The following SLC4A10 variants were observed in gnomAD, a reference collection of about 807,000 sequenced individuals.
The protein encoded by SLC4A10 is solute carrier family 4 member 10.
SLC4A10 carries 42 observed loss-of-function variants against 137.7 expected under a neutral mutation model. That is an observed-to-expected ratio of 0.30 (90% confidence interval 0.24 to 0.39). The LOEUF is 0.39. SLC4A10 is among the 10% of genes least tolerant of loss of function. SLC4A10 has a pLI of 1.00. For missense variants in SLC4A10, 925 were observed against 1,355.0 expected (o/e 0.68, Z 4.98); for synonymous variants, 474 against 464.1 (o/e 1.02, Z -0.27).
Position 161,624,525 on chromosome 2 carries a change from A to G in SLC4A10, c.7A>G (p.Ile3Val), listed in dbSNP as rs1051775487. The stretch of plus-strand genomic sequence containing the variant: ...TCCAGAGGCGTTACAAAACATGGAG[A>G]TTAAAGACCAGGGAGCCCAAATGGA... ME[I>V]KDQGAQMEPL... The change falls in exon 1 of 27, where the codon ATT becomes GTT. Residue 3 changes from isoleucine (I) to valine (V), a missense_variant. By Grantham distance (29) the Ile-to-Val change is conservative. Transcript: ENST00000446997. 6 of 1,553,728 alleles carry G rather than the reference A, an allele frequency of 3.9e-6. No individual in the cohort carries two copies. Among genetic ancestry groups the G allele is most frequent in the Admixed American group, 2.0e-5 (1 of 51,160 alleles).
chr2:161,765,787 T>C (rs188821039), intron 1 of SLC4A10, among the ~76,000 whole-genome samples: 1 of 151,960 alleles, frequency 6.6e-6, no homozygotes, highest in Non-Finnish European at 1.5e-5. Flanking sequence ...ATCTAGAGAG[T>C]AACTCAGTAC....
In SLC4A10 at chr2:161,839,797, T is replaced by G. The variant is rs770849707; in HGVS notation, c.286T>G (p.Ser96Ala). The G allele has an allele frequency of 1.9e-6, 3 of 1,613,688 alleles. No individual in the cohort carries two copies. Among genetic ancestry groups the G allele is most frequent in the Non-Finnish European group, 2.5e-6 (3 of 1,179,752 alleles). ...TGTCTCTGATTTTTTAGACACCCCATCACAGAGGGTACAGTTTATTCTTGG... is the reference window on the plus strand; with the variant it reads ...TGTCTCTGATTTTTTAGACACCCCAGCACAGAGGGTACAGTTTATTCTTGG... ...GRESPSFDTP[S>A]QRVQFILGTE... Residue 96 changes from serine (S) to alanine (A), a missense_variant, in exon 4 of 27, where the codon TCA becomes GCA. By Grantham distance (99) the Ser-to-Ala change is moderately conservative. Coordinates refer to ENST00000446997, the MANE Select transcript of SLC4A10 (RefSeq NM_001178015.2).
chr2:161,949,458 TTATAAA>T (rs143382610), intron 18 of SLC4A10, among the ~76,000 whole-genome samples, 197 bp downstream of exon 18: 1 of 151,868 alleles, frequency 6.6e-6, no homozygotes, highest in Non-Finnish European at 1.5e-5. Context: ...ATATAAATAA[TTATAAA>T]TATAAAACTT....
chr2:161,642,672 C>T (rs1184896750), intron 1 of SLC4A10, among the ~76,000 whole-genome samples: 7 of 151,762 alleles, frequency 4.6e-5, no homozygotes, highest in African/African-American at 1.5e-4. Context: ...GTGGCTTTCC[C>T]GTCTTTTAAG....
At chr2:161,740,782 T>C (rs1431768231) in intron 1 of SLC4A10, among the ~76,000 whole-genome samples, 2 of 152,242 alleles carry the variant, frequency 1.3e-5, no homozygotes, top group Non-Finnish European at 2.9e-5. Context: ...CTTGCTGTTT[T>C]ATGATACTAG....
intron 16 of SLC4A10, among the ~76,000 whole-genome samples, chr2:161,943,273 G>A (rs1012583407): frequency 2.6e-5 from 4 of 152,044 alleles, no homozygotes; most frequent in Admixed American, 1.3e-4. Context: ...CAGCTGTTCC[G>A]GATCTGCTGG....
chr2:161,688,453 A>G (rs1243825946), intron 1 of SLC4A10, among the ~76,000 whole-genome samples: 1 of 152,170 alleles, frequency 6.6e-6, no homozygotes, highest in Non-Finnish European at 1.5e-5. Context: ...TGGGTAGAGT[A>G]TGCGATGCAT....
chr2:161,949,045 T>G, intron 17 of SLC4A10, 103 bp from the exon 18 acceptor site: 1 of 665,386 alleles, frequency 1.5e-6, no homozygotes, highest in African/African-American at 1.8e-5. Flanking sequence ...TATTATGATA[T>G]TATGTCATAA....
chr2:161,760,462 T>C (rs1018999090), intron 1 of SLC4A10, among the ~76,000 whole-genome samples: 1 of 152,096 alleles, frequency 6.6e-6, no homozygotes, highest in Non-Finnish European at 1.5e-5. Flanking sequence ...GAAGTTTTCT[T>C]TCCAGGCATT....
chr2:161,780,673 C>A (rs2125470710), intron 2 of SLC4A10, among the ~76,000 whole-genome samples: 1 of 152,042 alleles, frequency 6.6e-6, no homozygotes, highest in African/African-American at 2.4e-5. Flanking sequence ...AAAATTCTTT[C>A]ATTTCGATTT....
intron 15 of SLC4A10, among the ~76,000 whole-genome samples, chr2:161,927,365 T>G (rs1689356666): frequency 6.6e-6 from 1 of 152,208 alleles, no homozygotes; most frequent in African/African-American, 2.4e-5. Flanking sequence ...TCCTGTGGCT[T>G]CTGCATTCTT....
At chr2:161,949,302 T>C (rs577065547) in intron 18 of SLC4A10, 41 bp downstream of exon 18, 3 of 1,313,110 alleles carry the variant, frequency 2.3e-6, no homozygotes, top group Admixed American at 3.5e-5. Flanking sequence ...TCTCTCGGTC[T>C]AATCTTCATT....
chr2:161,965,254 T>TA (rs1035573297), intron 23 of SLC4A10, 81 bp downstream of exon 23: 34 of 1,427,646 alleles, frequency 2.4e-5, no homozygotes, highest in Non-Finnish European at 3.2e-5. Context: ...TTATTGTTTT[T>TA]ATCTTTAGAC....
At chr2:161,772,197 C>A (rs947211048) in intron 2 of SLC4A10, among the ~76,000 whole-genome samples, 35 of 151,858 alleles carry the variant, frequency 2.3e-4, no homozygotes, top group African/African-American at 8.2e-4. Context: ...TTTAAGGGAG[C>A]AAAACCTTGA....
At chr2:161,819,904 G>A (rs1247065584) in intron 3 of SLC4A10, among the ~76,000 whole-genome samples, 2 of 152,176 alleles carry the variant, frequency 1.3e-5, no homozygotes, top group African/African-American at 4.8e-5. Flanking sequence ...TGAAGCATAA[G>A]CTTGAAGTCA....
At chr2:161,854,654 A>T (rs1295836125) in intron 4 of SLC4A10, among the ~76,000 whole-genome samples, 1 of 152,190 alleles carries the variant, frequency 6.6e-6, no homozygotes, top group Non-Finnish European at 1.5e-5. Flanking sequence ...TACACTCTTT[A>T]TTAGTGCTAC....
rs369327089 is a variant in SLC4A10, at chr2:161,964,209, G to A, written c.2937G>A (p.Pro979=). ...ATTTTATATACCTAAGGCACGTACCGCTTCGAAAAGTGCATCTCTTCACAA... is the reference window on the plus strand; with the variant it reads ...ATTTTATATACCTAAGGCACGTACCACTTCGAAAAGTGCATCTCTTCACAA... The part of the protein sequence containing the change: ...QPDFIYLRHV[P]LRKVHLFTII... The change falls in exon 22 of 27, where the codon CCG becomes CCA. Residue 979 remains proline, a synonymous_variant. Coordinates refer to ENST00000446997, the MANE Select transcript of SLC4A10 (RefSeq NM_001178015.2). 38 of 1,613,448 alleles carry A rather than the reference G, an allele frequency of 2.4e-5. No individual in the cohort carries two copies. The highest frequency in any genetic ancestry group is 1.0e-4 in the Admixed American group (6 of 59,924).
intron 2 of SLC4A10, among the ~76,000 whole-genome samples, chr2:161,792,491 C>A (rs1006317392): frequency 5.3e-5 from 8 of 152,038 alleles, no homozygotes; most frequent in African/African-American, 1.9e-4. Flanking sequence ...AATAGTATGG[C>A]AGTTGTACCA....
At chr2:161,782,441 C>T (rs1247931100) in intron 2 of SLC4A10, among the ~76,000 whole-genome samples, 1 of 151,698 alleles carries the variant, frequency 6.6e-6, no homozygotes, top group East Asian at 2.0e-4. Flanking sequence ...TGCAAAGACA[C>T]CAATGCATAG....
Sources: allele counts gnomAD v4.1 joint callset (sites outside exome capture counted in the v4.1 genomes callset), GRCh38; gene constraint gnomAD v4.1.1; transcripts MANE v1.5; gene names NCBI Gene and HGNC (gene_info 2026-07-23, HGNC 2026-07-21).